GLG1: variants seen among roughly 807,000 people sequenced by gnomAD.
GLG1 encodes Golgi apparatus protein 1.
In GLG1, 38 loss-of-function variants were observed where a neutral mutation model predicts 160.5. The observed-to-expected ratio is 0.24, with a 90% CI of 0.18 to 0.31. The LOEUF (loss-of-function observed/expected upper bound fraction) is 0.31, where lower values mean the gene tolerates loss of function less well. Among genes scored for constraint, GLG1 ranks in the 10% least tolerant of loss-of-function variants. The pLI is 1.00. For missense variants in GLG1, 1,373 were observed against 1,505.2 expected (o/e 0.91, Z 1.45); for synonymous variants, 644 against 543.4 (o/e 1.19, Z -2.57).
intron 1 of GLG1, among the ~76,000 whole-genome samples, chr16:74,549,233 TAGTAA>T (rs1477033568): frequency 2.2e-4 from 33 of 151,950 alleles, no homozygotes; most frequent in South Asian, 2.1e-4. Flanking sequence ...TCTATCTCTC[TAGTAA>T]AGTAATGTAC....
chr16:74,490,650 T>C (rs2015948960), intron 8 of GLG1, among the ~76,000 whole-genome samples: 1 of 152,210 alleles, frequency 6.6e-6, no homozygotes, highest in Non-Finnish European at 1.5e-5. Flanking sequence ...TCTCTCTTGG[T>C]AGAGGGCCTG....
At position 74,449,489 on chromosome 16, in the gene GLG1, T is replaced by C. The variant is rs962154452; in HGVS notation, c.*3678A>G. 1 of 152,200 alleles carries C rather than the reference T, an allele frequency of 6.6e-6. No individual in the cohort carries two copies. The highest frequency in any genetic ancestry group is 2.4e-5 in the African/African-American group (1 of 41,452). 9.4% of individuals were successfully genotyped at this position (152,200 alleles called of 1,614,324 possible). A position where few individuals can be genotyped will look rare whatever the true frequency, so the allele number is the denominator to read the frequency against. The stretch of plus-strand genomic sequence containing the variant: ...AACATGAATGAAGACACTCTCACCA[T>C]TAGATTCTTCTGTTAGTTGATCTCA... On this transcript the variant is annotated 3_prime_UTR_variant, in exon 26 of 26. Coordinates refer to ENST00000422840, the MANE Select transcript of GLG1 (RefSeq NM_001145667.2).
intron 2 of GLG1, among the ~76,000 whole-genome samples, chr16:74,509,876 TGGGATCTC>T (rs2016746379): frequency 6.6e-6 from 1 of 151,158 alleles, no homozygotes; most frequent in South Asian, 2.1e-4. Flanking sequence ...TTTGTAGAGA[TGGGATCTC>T]ACTGTGCTGC....
chr16:74,587,631 G>T (rs1165673307), intron 1 of GLG1, among the ~76,000 whole-genome samples: 1 of 152,210 alleles, frequency 6.6e-6, no homozygotes, highest in Non-Finnish European at 1.5e-5. Context: ...CATTTCGGGA[G>T]GCCGAAGTGG....
At chr16:74,525,142 A>G (rs1405670878) in intron 2 of GLG1, among the ~76,000 whole-genome samples, 2 of 152,116 alleles carry the variant, frequency 1.3e-5, no homozygotes, top group Non-Finnish European at 2.9e-5. Context: ...AAAATGTGTC[A>G]GCTCTCTTGG....
intron 2 of GLG1, among the ~76,000 whole-genome samples, chr16:74,520,273 G>A (rs1454831737): frequency 6.6e-6 from 1 of 152,106 alleles, no homozygotes; most frequent in Non-Finnish European, 1.5e-5. Flanking sequence ...ATTAGTCACT[G>A]GGTTCTTAAT....
At chr16:74,546,671 C>T (rs541709489) in intron 1 of GLG1, among the ~76,000 whole-genome samples, 2 of 151,264 alleles carry the variant, frequency 1.3e-5, no homozygotes, top group African/African-American at 4.9e-5. Flanking sequence ...AACCCCGTCT[C>T]TACTAAAAAT....
At chr16:74,533,344 C>G (rs1436732027) in intron 1 of GLG1, among the ~76,000 whole-genome samples, 1 of 151,996 alleles carries the variant, frequency 6.6e-6, no homozygotes, top group African/African-American at 2.4e-5. Context: ...CAAAACAAAA[C>G]AAAACTTTCA....
chr16:74,491,295 C>A, intron 7 of GLG1, 80 bp from the exon 8 acceptor site: 1 of 983,814 alleles, frequency 1.0e-6, no homozygotes, highest in Non-Finnish European at 1.6e-6. Flanking sequence ...ATTAAAAGTA[C>A]ATATTTCTAT....
At chr16:74,548,370 G>A (rs1597335377) in intron 1 of GLG1, among the ~76,000 whole-genome samples, 1 of 152,172 alleles carries the variant, frequency 6.6e-6, no homozygotes, top group African/African-American at 2.4e-5. Flanking sequence ...AAAATCCTTG[G>A]TTGATCACAG....
chr16:74,524,452 A>G (rs925840911), intron 2 of GLG1, among the ~76,000 whole-genome samples: 1 of 152,128 alleles, frequency 6.6e-6, no homozygotes, highest in Non-Finnish European at 1.5e-5. Context: ...GGTGGGTGCT[A>G]AAATTGGAAA....
intron 1 of GLG1, among the ~76,000 whole-genome samples, chr16:74,550,484 T>G (rs553011809): frequency 4.9e-4 from 74 of 152,210 alleles, no homozygotes; most frequent in African/African-American, 1.7e-3. Flanking sequence ...TCATACCATA[T>G]GGTGTGGCTT....
chr16:74,483,938 C>A (rs976733774), intron 9 of GLG1, among the ~76,000 whole-genome samples: 1 of 152,098 alleles, frequency 6.6e-6, no homozygotes, highest in African/African-American at 2.4e-5. Context: ...GGATTACAGG[C>A]GTGAGCCACC....
chr16:74,463,014 G>T (rs1408127036), intron 20 of GLG1: 2 of 416,754 alleles, frequency 4.8e-6, no homozygotes, highest in Non-Finnish European at 8.5e-6. Context: ...CAACTCAGAG[G>T]TGAAATGTTT....
At chr16:74,546,510 C>T (rs1329425746) in intron 1 of GLG1, among the ~76,000 whole-genome samples, 1 of 151,996 alleles carries the variant, frequency 6.6e-6, no homozygotes, top group African/African-American at 2.4e-5. Context: ...TTAGTGTAGG[C>T]CATAAACAAA....
At chr16:74,598,073 A>G (rs1030995350) in intron 1 of GLG1, among the ~76,000 whole-genome samples, 2 of 152,160 alleles carry the variant, frequency 1.3e-5, no homozygotes, top group South Asian at 2.1e-4. Flanking sequence ...AACATCTCTC[A>G]TAAGATTAAA....
chr16:74,535,352 A>C (rs967162362), intron 1 of GLG1, among the ~76,000 whole-genome samples: 3 of 152,286 alleles, frequency 2.0e-5, no homozygotes, highest in African/African-American at 7.2e-5. Context: ...AAAAGTGCAA[A>C]TCTGGACACC....
intron 4 of GLG1, among the ~76,000 whole-genome samples, chr16:74,498,447 A>AACTATATATATATATATATATAT: frequency 1.2e-4 from 1 of 8,226 alleles, no homozygotes; most frequent in East Asian, 9.6e-3. Context: ...AAAAAAAAAA[A>AACTATATATATATATATATATAT]GTATATATAT....
chr16:74,557,239 A>C (rs936664650), intron 1 of GLG1, among the ~76,000 whole-genome samples: 1 of 152,202 alleles, frequency 6.6e-6, no homozygotes. Flanking sequence ...TTCTATAACT[A>C]TATATGATTT....
Sources: allele counts gnomAD v4.1 joint callset (sites outside exome capture counted in the v4.1 genomes callset), GRCh38; gene constraint gnomAD v4.1.1; transcripts MANE v1.5; gene names NCBI Gene and HGNC (gene_info 2026-07-23, HGNC 2026-07-21).